The following SLC66A2 variants were observed in gnomAD, a reference collection of about 807,000 sequenced individuals.
SLC66A2 encodes PQ loop repeat containing 1.
Under a neutral mutation model 25.5 loss-of-function variants are expected in SLC66A2, and 23 were observed. The observed-to-expected ratio is 0.90, with a 90% CI of 0.65 to 1.28. The LOEUF (loss-of-function observed/expected upper bound fraction) is 1.28. SLC66A2 is among the 50% of genes most tolerant of loss of function. The pLI, the probability that SLC66A2 is intolerant of heterozygous loss-of-function variation, is 0.00. For missense variants in SLC66A2, 396 were observed against 373.1 expected (o/e 1.06, Z -0.51); for synonymous variants, 193 against 166.5 (o/e 1.16, Z -1.23).
chr18:79,908,135 A>ATC lies in SLC66A2; in HGVS notation c.609-3953_609-3952insGA, dbSNP rs746845407. 9.2e-5 allele frequency among the ~76,000 whole-genome samples: 14 copies of ATC among 152,242 alleles called. No individual in the cohort carries two copies. The East Asian group carries it at 9.6e-4, about 10-fold the overall frequency. ...ATAACTTAAGAAGAAAAATATATATATTATATTTACCCAGATATTGGCCAT... is the reference window on the plus strand; with the variant it reads ...ATAACTTAAGAAGAAAAATATATATATCTTATATTTACCCAGATATTGGCCAT... On this transcript the variant is annotated intron_variant, in intron 5 of 5. Transcript: ENST00000397778.
rs922974052 is a variant in SLC66A2 at position 79,950,719 on chromosome 18, C to A, written c.203+5G>T. 1 of 1,612,948 alleles carries A rather than the reference C, an allele frequency of 6.2e-7. No homozygotes were observed. Among genetic ancestry groups the A allele is most frequent in the Admixed American group, 1.7e-5 (1 of 60,020 alleles). On this transcript the variant is annotated splice_donor_5th_base_variant and intron_variant, in intron 2 of 5. Transcript: ENST00000397778. ...GCAGCCCAGGAAAGCAAGCCCCCAACTTACCAGAAGAGTATCCGCAAAATG... is the reference window on the plus strand; with the variant it reads ...GCAGCCCAGGAAAGCAAGCCCCCAAATTACCAGAAGAGTATCCGCAAAATG...
intron 4 of SLC66A2, among the ~76,000 whole-genome samples, chr18:79,931,405 G>A: frequency 6.6e-6 from 1 of 152,154 alleles, no homozygotes; most frequent in East Asian, 1.9e-4. Flanking sequence ...ACATGCATGT[G>A]ATGACACTAA....
At position 79,919,195 on chromosome 18, in the gene SLC66A2, C is replaced by G; in HGVS notation, c.597G>C (p.Thr199=). 1 of 1,613,126 alleles carries G rather than the reference C, an allele frequency of 6.2e-7. No homozygotes were observed. The highest frequency in any genetic ancestry group is 8.5e-7 in the Non-Finnish European group (1 of 1,179,994). ...CATCCCCGGCCTACCTCATGCCCTCCGTGGACTGGTGGCGGTGGTTGCGGT... is the reference window on the plus strand; with the variant it reads ...CATCCCCGGCCTACCTCATGCCCTCGGTGGACTGGTGGCGGTGGTTGCGGT... The part of the protein sequence containing the change: ...QLYRNHRHQS[T]EGMSIKMVLM... Residue 199 remains threonine (T), a synonymous_variant, in exon 5 of 6, where the codon ACG becomes ACC. Transcript: ENST00000397778.
chr18:79,932,931 A>G (rs1381874282), intron 4 of SLC66A2, among the ~76,000 whole-genome samples: 1 of 152,226 alleles, frequency 6.6e-6, no homozygotes, highest in Non-Finnish European at 1.5e-5. Flanking sequence ...AAAGGAGGGG[A>G]ACATTTCCCA....
rs1367436854 is a variant in SLC66A2 at position 79,917,327 on chromosome 18, C to G, written c.608+1857G>C. On this transcript the variant is annotated intron_variant, in intron 5 of 5. Coordinates refer to ENST00000397778, the MANE Select transcript of SLC66A2 (RefSeq NM_025078.5). The surrounding 1 kb of genome is among the most constrained non-coding windows in gnomAD (Gnocchi z 6.0). Reference sequence around the variant, plus strand: ...GCTACCCTGGAATCGAGAGCAACAGCTCCTGCCAAGCCTGGGGCCCCTGTG... The same window carrying G: ...GCTACCCTGGAATCGAGAGCAACAGGTCCTGCCAAGCCTGGGGCCCCTGTG... Among the ~76,000 whole-genome samples the G allele has an allele frequency of 6.6e-6, 1 of 152,238 alleles. No homozygotes were observed. The highest frequency in any genetic ancestry group is 6.5e-5 in the Admixed American group (1 of 15,290).
rs556610516 is a variant in SLC66A2, at chr18:79,927,379, GA to G, written c.391+6589del. 2.7e-3 allele frequency among the ~76,000 whole-genome samples: 412 copies of G among 152,318 alleles called. 1 individual carries two copies. Among genetic ancestry groups the G allele is most frequent in the Non-Finnish European group, 5.0e-3 (338 of 68,030 alleles). On this transcript the variant is annotated intron_variant, in intron 4 of 5. Transcript: ENST00000397778. This position sits in a 1 kb window ranked among gnomAD's most constrained non-coding sequence, Gnocchi z 6.2. ...CCTGAGGGGCACAGGCTACAGTCAG[GA>G]GAGCACAGACAAGAGGCCCCCGAGG...
chr18:79,928,641 G>A (rs1986252425), intron 4 of SLC66A2, among the ~76,000 whole-genome samples: 1 of 152,092 alleles, frequency 6.6e-6, no homozygotes, highest in Admixed American at 6.5e-5. Context: ...GTGACACTTG[G>A]GCCACAACCT....
chr18:79,939,600 AT>A lies in SLC66A2; in HGVS notation c.337+3728del, dbSNP rs1273226200. 1.3e-5 allele frequency among the ~76,000 whole-genome samples: 2 copies of A among 152,380 alleles called. 1 individual carries two copies. The highest frequency in any genetic ancestry group is 4.1e-4 in the South Asian group (2 of 4,826). On this transcript the variant is annotated intron_variant, in intron 3 of 5. Transcript: ENST00000397778. Reference sequence around the variant, plus strand: ...ACATGAACACTTTTCAAAAGAAGACATACATGCGGCCAACAAGCGTATGAAA... The same window carrying A: ...ACATGAACACTTTTCAAAAGAAGACAACATGCGGCCAACAAGCGTATGAAA...
At position 79,950,791 on chromosome 18, in the gene SLC66A2, C is replaced by A. The variant is rs747326697; in HGVS notation, c.136G>T (p.Ala46Ser). ...CACACGTAGGTGGAGAAGCCGTCGG[C>A]GTTCTGCGTCCTGCGAATGTCCCGA... ...QYRDIRRTQN[A>S]DGFSTYVCLV... Residue 46 changes from alanine (A) to serine (S), a missense_variant, in exon 2 of 6, where the codon GCC becomes TCC. Physicochemically the swap from Ala to Ser is moderately conservative, Grantham distance 99. Transcript: ENST00000397778. 1.2e-6 allele frequency: 2 copies of A among 1,613,214 alleles called. No homozygotes were observed. Among genetic ancestry groups the A allele is most frequent in the South Asian group, 2.2e-5 (2 of 91,086 alleles).
chr18:79,915,139 T>G (rs1461983441), intron 5 of SLC66A2, among the ~76,000 whole-genome samples: 1 of 152,166 alleles, frequency 6.6e-6, no homozygotes, highest in East Asian at 1.9e-4. Flanking sequence ...CTGGCAGGCA[T>G]GGGGTCAGGC....
rs36097147 is a variant in SLC66A2, at chr18:79,943,344, G to A, written c.322C>T (p.Arg108Cys). 1,264 of 1,614,138 alleles carry A rather than the reference G, an allele frequency of 7.8e-4. 2 individuals carry two copies. The highest frequency in any genetic ancestry group is 9.1e-4 in the Non-Finnish European group (1,070 of 1,180,024). Residue 108 changes from arginine to cysteine, a missense_variant, in exon 3 of 6, where the codon CGC (arginine) becomes TGC (cysteine). By Grantham distance (180) the Arg-to-Cys change is radical. Coordinates refer to ENST00000397778, the MANE Select transcript of SLC66A2 (RefSeq NM_025078.5). ...VRVANELNAR[R>C]RSFTAADSKD... ...GGCCACCAACCTGTAAAGGAGCGGC[G>A]CCTGGCGTTGAGCTCGTTGGCCACA...
At chr18:79,910,213 C>A (rs1420885749) in intron 5 of SLC66A2, among the ~76,000 whole-genome samples, 4 of 137,338 alleles carry the variant, frequency 2.9e-5, no homozygotes, top group Non-Finnish European at 1.6e-5. Flanking sequence ...CCATAGAGTC[C>A]CCAACCTTCC....
At chr18:79,950,614 G>A (rs1035704304) in intron 2 of SLC66A2, 110 bp downstream of exon 2, 1 of 1,018,252 alleles carries the variant, frequency 9.8e-7, no homozygotes. Context: ...GTGGGACGCT[G>A]GCCCAGCAGG....
intron 4 of SLC66A2, among the ~76,000 whole-genome samples, chr18:79,929,006 T>C (rs549708666): frequency 4.6e-5 from 7 of 152,264 alleles, no homozygotes; most frequent in African/African-American, 1.2e-4. Flanking sequence ...GGTATCAGGA[T>C]AGAGAGCTCC....
chr18:79,909,027 C>G (rs1982543477), intron 5 of SLC66A2, among the ~76,000 whole-genome samples: 1 of 152,212 alleles, frequency 6.6e-6, no homozygotes, highest in Admixed American at 6.5e-5. Flanking sequence ...AAACTCAACT[C>G]TTCATACATA....
chr18:79,907,354 T>TTTTTTTTTTTTTTTTTTTTTGTTTG (rs1982281132), intron 5 of SLC66A2, among the ~76,000 whole-genome samples: 1 of 6,900 alleles, frequency 1.4e-4, no homozygotes, highest in Non-Finnish European at 1.1e-3. Context: ...TTTTTGGTTG[T>TTTTTTTTTTTTTTTTTTTTTGTTTG]TTTTTTTTTT....
rs1162259088 is a variant in SLC66A2, at chr18:79,917,967, C to T, written c.608+1217G>A. On this transcript the variant is annotated intron_variant, in intron 5 of 5. Transcript: ENST00000397778. The surrounding 1 kb of genome is among the most constrained non-coding windows in gnomAD (Gnocchi z 6.0). Reference sequence around the variant, plus strand: ...CCCAGCCCACACCTACACTTCACATCTGTGCCTATGTCCCACACCCACACC... The same window carrying T: ...CCCAGCCCACACCTACACTTCACATTTGTGCCTATGTCCCACACCCACACC... Among the ~76,000 whole-genome samples, 3 of 151,952 alleles carry T rather than the reference C, an allele frequency of 2.0e-5. No homozygotes were observed.
rs2115996 is a variant in SLC66A2 at position 79,941,007 on chromosome 18, C to G, written c.337+2322G>C. On this transcript the variant is annotated intron_variant, in intron 3 of 5. Coordinates refer to ENST00000397778, the MANE Select transcript of SLC66A2 (RefSeq NM_025078.5). The surrounding 1 kb of genome is among the most constrained non-coding windows in gnomAD (Gnocchi z 4.1). ...CCCTACCCCTCGTGGCGGCCCTGGA[C>G]TGCTTCCCAAATACTCCAGGCCTGA... Among the ~76,000 whole-genome samples, 16,903 of 152,080 alleles carry G rather than the reference C, an allele frequency of 0.11. 1,208 individuals carry two copies. Among genetic ancestry groups the G allele is most frequent in the Middle Eastern group, 0.16 (46 of 294 alleles).
intron 4 of SLC66A2, chr18:79,930,106 T>C (rs1986411967): frequency 1.3e-5 from 2 of 151,832 alleles, no homozygotes; most frequent in African/African-American, 4.8e-5. Flanking sequence ...CCCAAGAAGC[T>C]CAACAAATTG....
Sources: gnomAD v4.1 joint callset for allele counts (sites outside exome capture counted in the v4.1 genomes callset) on GRCh38, gnomAD v4.1.1 for gene constraint, Gnocchi (gnomAD v3.1) non-coding constraint, MANE v1.5 for transcripts, NCBI Gene and HGNC (gene_info 2026-07-23, HGNC 2026-07-21) for gene names.